The following LOC128092252 variants were observed in gnomAD, a reference collection of about 807,000 sequenced individuals.
the LOC128092252 span, chr15:50,686,684 C>T: frequency 5.9e-6 from 6 of 1,012,128 alleles, no homozygotes; most frequent in Non-Finnish European, 7.1e-6. Flanking sequence ...ACTAACTCAG[C>T]TCCGGCGCTA....
chr15:50,669,527 T>A, the LOC128092252 span, among the ~76,000 whole-genome samples: 1 of 152,160 alleles, frequency 6.6e-6, no homozygotes, highest in East Asian at 1.9e-4. Flanking sequence ...CAAAGCCAAT[T>A]TCGAAAGCCT....
the LOC128092252 span, chr15:50,686,379 G>A: frequency 6.9e-6 from 9 of 1,308,328 alleles, no homozygotes; most frequent in Non-Finnish European, 9.8e-6. Flanking sequence ...CTGCACACCC[G>A]TCCCGAGAGG....
the LOC128092252 span, chr15:50,686,456 T>C: frequency 6.2e-7 from 1 of 1,613,176 alleles, no homozygotes; most frequent in Non-Finnish European, 8.5e-7. Context: ...CCCCACACAC[T>C]TGCCTGCCAA....
the LOC128092252 span, among the ~76,000 whole-genome samples, chr15:50,656,380 G>A: frequency 6.6e-6 from 1 of 151,958 alleles, no homozygotes; most frequent in Admixed American, 6.6e-5. Context: ...GCTTATTGCA[G>A]CCTCAACTTC....
the LOC128092252 span, among the ~76,000 whole-genome samples, chr15:50,677,427 A>T: frequency 0.014 from 2,105 of 151,974 alleles, 44 homozygotes; most frequent in African/African-American, 0.049. Flanking sequence ...ACACACACAC[A>T]CACAGAGCAC....
At chr15:50,671,722 A>T in the LOC128092252 span, among the ~76,000 whole-genome samples, 1 of 151,948 alleles carries the variant, frequency 6.6e-6, no homozygotes, top group East Asian at 1.9e-4. Flanking sequence ...AGGTGGGAGG[A>T]TCATTTGAGC....
the LOC128092252 span, among the ~76,000 whole-genome samples, chr15:50,649,473 C>T: frequency 6.6e-6 from 1 of 151,312 alleles, no homozygotes; most frequent in African/African-American, 2.4e-5. Flanking sequence ...AGAAAAAATA[C>T]TATCCAATAA....
the LOC128092252 span, among the ~76,000 whole-genome samples, chr15:50,658,970 G>A: frequency 2.0e-5 from 3 of 152,032 alleles, no homozygotes; most frequent in Admixed American, 6.6e-5. Flanking sequence ...AGGCTGAGGC[G>A]GGAGGATCAC....
chr15:50,683,624 C>T, the LOC128092252 span, among the ~76,000 whole-genome samples: 1 of 152,044 alleles, frequency 6.6e-6, no homozygotes, highest in African/African-American at 2.4e-5. Context: ...ATCCCAGCTT[C>T]GGGAGGCTGG....
At chr15:50,664,089 G>A in the LOC128092252 span, among the ~76,000 whole-genome samples, 2 of 152,216 alleles carry the variant, frequency 1.3e-5, no homozygotes, top group Admixed American at 6.5e-5. Flanking sequence ...CACAAAGTCA[G>A]AAGACCAAGA....
At chr15:50,684,822 A>G in the LOC128092252 span, among the ~76,000 whole-genome samples, 2 of 152,194 alleles carry the variant, frequency 1.3e-5, no homozygotes, top group African/African-American at 2.4e-5. Flanking sequence ...CTAGAGACTG[A>G]AAGAGTTACC....
At chr15:50,679,397 C>T in the LOC128092252 span, among the ~76,000 whole-genome samples, 1 of 146,828 alleles carries the variant, frequency 6.8e-6, no homozygotes, top group Admixed American at 6.8e-5. Flanking sequence ...CCATATCAAC[C>T]CATTATCTAT....
the LOC128092252 span, chr15:50,662,985 C>G: frequency 6.2e-7 from 1 of 1,613,342 alleles, no homozygotes; most frequent in Non-Finnish European, 8.5e-7. Context: ...GTCCTTGGAA[C>G]TTGGTATAAT....
the LOC128092252 span, among the ~76,000 whole-genome samples, chr15:50,663,374 C>T: frequency 8.5e-5 from 13 of 152,194 alleles, no homozygotes; most frequent in Admixed American, 7.9e-4. Context: ...GATCTGCCTG[C>T]CTCGGCCTCC....
the LOC128092252 span, among the ~76,000 whole-genome samples, chr15:50,651,763 G>T: frequency 6.6e-6 from 1 of 151,888 alleles, no homozygotes; most frequent in African/African-American, 2.4e-5. Context: ...CGTGGCAGTC[G>T]CCTGTAATCC....
the LOC128092252 span, among the ~76,000 whole-genome samples, chr15:50,664,304 G>A: frequency 7.2e-5 from 8 of 110,742 alleles, no homozygotes; most frequent in Non-Finnish European, 1.0e-4. Flanking sequence ...GCAAGACTCC[G>A]TCTCAAAAAA....
the LOC128092252 span, among the ~76,000 whole-genome samples, chr15:50,663,672 T>TA: frequency 6.6e-6 from 1 of 152,154 alleles, no homozygotes; most frequent in African/African-American, 2.4e-5. Context: ...ATGAGCCATT[T>TA]AAAAGACAAC....
the LOC128092252 span, chr15:50,657,758 C>T: frequency 8.0e-5 from 128 of 1,602,880 alleles, no homozygotes; most frequent in South Asian, 2.7e-4. Context: ...GAAATTTGTG[C>T]GGTATAGTTA....
the LOC128092252 span, among the ~76,000 whole-genome samples, chr15:50,684,720 T>C: frequency 6.6e-6 from 1 of 151,970 alleles, no homozygotes; most frequent in Middle Eastern, 3.2e-3. Context: ...TTCAACAAAA[T>C]CCAAACTGAT....
Sources: allele counts gnomAD v4.1 joint callset (sites outside exome capture counted in the v4.1 genomes callset), GRCh38; gene constraint gnomAD v4.1.1; transcripts MANE v1.5.